Variants in TMEM132D observed in about 807,000 individuals in gnomAD.
TMEM132D encodes transmembrane protein 132D, also known as mature OL transmembrane protein.
TMEM132D carries 21 observed loss-of-function variants against 62.3 expected under a neutral mutation model. That is an observed-to-expected ratio of 0.34 (90% confidence interval 0.24 to 0.49). TMEM132D has a LOEUF of 0.49. TMEM132D is among the 20% of genes least tolerant of loss of function. TMEM132D has a pLI of 0.99. For missense variants in TMEM132D, 1,346 were observed against 1,402.8 expected (o/e 0.96, Z 0.65); for synonymous variants, 621 against 575.6 (o/e 1.08, Z -1.13).
intron 8 of TMEM132D, among the ~76,000 whole-genome samples, 184 bp from the exon 9 acceptor site, chr12:129,075,243 A>G (rs1461196170): frequency 1.3e-5 from 2 of 152,166 alleles, no homozygotes; most frequent in South Asian, 2.1e-4. Context: ...TCTCACAAAG[A>G]TGCAAAAAAG....
chr12:129,418,309 C>G (rs763753034), intron 3 of TMEM132D, among the ~76,000 whole-genome samples: 2 of 152,152 alleles, frequency 1.3e-5, no homozygotes, highest in South Asian at 4.1e-4. Context: ...TTGGAACCAA[C>G]CCAAATGCCC....
At chr12:129,552,736 C>T (rs969591581) in intron 2 of TMEM132D, among the ~76,000 whole-genome samples, 9 of 152,060 alleles carry the variant, frequency 5.9e-5, no homozygotes, top group African/African-American at 2.2e-4. Flanking sequence ...ATTATCATCT[C>T]TATTATCTGT....
intron 5 of TMEM132D, among the ~76,000 whole-genome samples, chr12:129,101,611 G>C (rs150300291): frequency 5.3e-5 from 8 of 152,312 alleles, no homozygotes; most frequent in Non-Finnish European, 1.2e-4. Flanking sequence ...CGTTTCCCGA[G>C]GTTGCTTAGT....
intron 3 of TMEM132D, among the ~76,000 whole-genome samples, chr12:129,418,445 CA>C: frequency 6.6e-6 from 1 of 152,094 alleles, no homozygotes; most frequent in East Asian, 1.9e-4. Context: ...TCACCCTCAG[CA>C]AACTAACACA....
At chr12:129,550,184 C>T (rs1041889110) in intron 2 of TMEM132D, among the ~76,000 whole-genome samples, 1 of 152,152 alleles carries the variant, frequency 6.6e-6, no homozygotes, top group Non-Finnish European at 1.5e-5. Context: ...GATGAAAAGG[C>T]AGAGGGCACA....
chr12:129,602,980 G>C (rs949076651), intron 2 of TMEM132D, among the ~76,000 whole-genome samples: 1 of 152,118 alleles, frequency 6.6e-6, no homozygotes, highest in Non-Finnish European at 1.5e-5. Flanking sequence ...TTACCATCAC[G>C]AGAACAGCAT....
At chr12:129,605,604 T>TATAC (rs150550863) in intron 2 of TMEM132D, among the ~76,000 whole-genome samples, 13,223 of 106,108 alleles carry the variant, frequency 0.12, 1,404 homozygotes, top group East Asian at 0.36. Flanking sequence ...TATATATATA[T>TATAC]ACACACACAT....
At chr12:129,789,603 C>T (rs1871344268) in intron 1 of TMEM132D, among the ~76,000 whole-genome samples, 1 of 152,144 alleles carries the variant, frequency 6.6e-6, no homozygotes, top group South Asian at 2.1e-4. Flanking sequence ...ATTTTCATTG[C>T]TGATCAGAGA....
At chr12:129,324,796 C>G (rs145899861) in intron 4 of TMEM132D, among the ~76,000 whole-genome samples, 1,751 of 152,178 alleles carry the variant, frequency 0.012, 36 homozygotes, top group African/African-American at 0.04. Flanking sequence ...CCACTGCACT[C>G]CAGCCTGGGC....
rs34663182 is a variant in TMEM132D at position 129,081,739 on chromosome 12, A to ATT, written c.1923+18_1923+19dup. 0.012 allele frequency: 16,985 copies of ATT among 1,475,716 alleles called. 55 individuals are homozygous for ATT. Among genetic ancestry groups the ATT allele is most frequent in the African/African-American group, 0.041 (2,808 of 68,128 alleles). The allele number at this position is 1,475,716 out of a possible 1,614,324, so 91.4% of individuals were successfully genotyped here. A position where few individuals can be genotyped will look rare whatever the true frequency, so the allele number is the denominator to read the frequency against. On this transcript the variant is annotated intron_variant, in intron 7 of 8. Transcript: ENST00000422113. Reference sequence around the variant, plus strand: ...AAGACAGAGAGATCTTGATTTGGGGATTTTTTTTTTTTTTTTTACCTGAAT... The same window carrying ATT: ...AAGACAGAGAGATCTTGATTTGGGGATTTTTTTTTTTTTTTTTTTACCTGAAT...
chr12:129,624,534 A>G (rs1879161314), intron 2 of TMEM132D, among the ~76,000 whole-genome samples: 1 of 152,232 alleles, frequency 6.6e-6, no homozygotes, highest in Admixed American at 6.5e-5. Flanking sequence ...GACCAGCAGG[A>G]CAAGACCACT....
At chr12:129,629,719 C>T (rs1171525658) in intron 2 of TMEM132D, among the ~76,000 whole-genome samples, 2 of 151,940 alleles carry the variant, frequency 1.3e-5, no homozygotes, top group Admixed American at 1.3e-4. Context: ...ATCCCCCGGA[C>T]AGCCAATAAG....
intron 4 of TMEM132D, among the ~76,000 whole-genome samples, chr12:129,253,188 AAAT>A (rs199532184): frequency 0.06 from 9,131 of 151,428 alleles, 478 homozygotes; most frequent in Admixed American, 0.16. Flanking sequence ...ACGTAAAGTA[AAAT>A]AATAATAATA....
At chr12:129,101,281 T>A (rs1057041896) in intron 5 of TMEM132D, among the ~76,000 whole-genome samples, 34 of 152,326 alleles carry the variant, frequency 2.2e-4, no homozygotes, top group African/African-American at 7.7e-4. Flanking sequence ...CTCGAGCATT[T>A]GTCGATTTGC....
intron 3 of TMEM132D, among the ~76,000 whole-genome samples, chr12:129,415,004 C>T (rs1238566472): frequency 1.3e-5 from 2 of 152,214 alleles, no homozygotes; most frequent in East Asian, 1.9e-4. Flanking sequence ...ATTTCATTCT[C>T]ACTTCATGCT....
intron 5 of TMEM132D, among the ~76,000 whole-genome samples, chr12:129,124,617 G>A (rs544874113): frequency 1.3e-5 from 2 of 152,324 alleles, no homozygotes; most frequent in Non-Finnish European, 1.5e-5. Flanking sequence ...TCTGGCCTGT[G>A]AGATGTATCC....
chr12:129,451,196 G>T (rs1873277454), intron 3 of TMEM132D, among the ~76,000 whole-genome samples: 2 of 152,132 alleles, frequency 1.3e-5, no homozygotes, highest in South Asian at 4.1e-4. Flanking sequence ...ACAATGTGAA[G>T]CTTGGCTAAG....
At chr12:129,795,186 G>A (rs1055760875) in intron 1 of TMEM132D, among the ~76,000 whole-genome samples, 4 of 152,170 alleles carry the variant, frequency 2.6e-5, no homozygotes, top group South Asian at 4.1e-4. Flanking sequence ...CCTTCCAGGA[G>A]CTGGTCATCA....
chr12:129,437,616 T>G (rs1316307273), intron 3 of TMEM132D, among the ~76,000 whole-genome samples: 1 of 152,168 alleles, frequency 6.6e-6, no homozygotes, highest in Non-Finnish European at 1.5e-5. Flanking sequence ...GAATGTGAAC[T>G]GGCATAACCA....
Sources: allele counts gnomAD v4.1 joint callset (sites outside exome capture counted in the v4.1 genomes callset), GRCh38; gene constraint gnomAD v4.1.1; transcripts MANE v1.5; gene names NCBI Gene and HGNC (gene_info 2026-07-23, HGNC 2026-07-21).